GABRA2: variants seen among roughly 807,000 people sequenced by gnomAD.
GABRA2 encodes the protein gamma-aminobutyric acid receptor subunit alpha-2.
Under a neutral mutation model 48.7 loss-of-function variants are expected in GABRA2, and 16 were observed. The observed-to-expected ratio is 0.33, with a 90% confidence interval of 0.22 to 0.50. The LOEUF (loss-of-function observed/expected upper bound fraction) is 0.50, where lower values mean the gene tolerates loss of function less well. Among genes scored for constraint, GABRA2 ranks in the 20% least tolerant of loss-of-function variants. The pLI is 0.98. For missense variants in GABRA2, 275 were observed against 535.6 expected, an observed-to-expected ratio of 0.51 and a Z score of 4.80; for synonymous variants, 185 against 184.5, an observed-to-expected ratio of 1.00 and a Z score of -0.02.
At chr4:46,274,084 A>T (rs1394569641) in intron 8 of GABRA2, among the ~76,000 whole-genome samples, 1 of 152,110 alleles carries the variant, frequency 6.6e-6, no homozygotes, top group Non-Finnish European at 1.5e-5. Flanking sequence ...TCTGTAAGTT[A>T]CTGGGAGACA....
At chr4:46,250,643 GTC>G in intron 9 of GABRA2, 39 bp from the exon 10 acceptor site, 1 of 1,452,266 alleles carries the variant, frequency 6.9e-7, no homozygotes, top group Non-Finnish European at 9.4e-7. Flanking sequence ...TGTGGGTTGA[GTC>G]TGCTACTTAA....
At chr4:46,363,439 C>T (rs529833443) in intron 3 of GABRA2, among the ~76,000 whole-genome samples, 36 of 151,822 alleles carry the variant, frequency 2.4e-4, no homozygotes, top group South Asian at 6.3e-4. Flanking sequence ...AAGAAATAGC[C>T]ACATGGATTG....
chr4:46,345,513 A>G (rs952145743), intron 3 of GABRA2, among the ~76,000 whole-genome samples: 17 of 151,826 alleles, frequency 1.1e-4, no homozygotes, highest in Non-Finnish European at 1.5e-4. Context: ...TGGGAGATGG[A>G]AGAAATATAA....
At chr4:46,320,930 T>C (rs931097848) in intron 4 of GABRA2, among the ~76,000 whole-genome samples, 2 of 151,974 alleles carry the variant, frequency 1.3e-5, no homozygotes, top group African/African-American at 4.8e-5. Context: ...GGCATTCACA[T>C]GCTCATTGTA....
chr4:46,261,971 G>C lies in GABRA2; in HGVS notation c.1014C>G (p.Thr338=). The C allele has an allele frequency of 6.2e-7, 1 of 1,613,792 alleles. No individual in the cohort carries two copies. Among genetic ancestry groups the C allele is most frequent in the Non-Finnish European group, 8.5e-7 (1 of 1,179,858 alleles). The stretch of plus-strand genomic sequence containing the variant: ...TCCCATCCCAAGCCCATCCTCTTTT[G>C]GTGAAGTAATTAACAGTTGCAAATT... ...LIEFATVNYF[T]KRGWAWDGKS... Residue 338 remains threonine (T), a synonymous_variant, in exon 9 of 10, where the codon ACC becomes ACG. Transcript: ENST00000381620.
intron 3 of GABRA2, among the ~76,000 whole-genome samples, chr4:46,343,570 C>G (rs1447237520): frequency 6.6e-6 from 1 of 151,726 alleles, no homozygotes; most frequent in African/African-American, 2.4e-5. Context: ...AAAAAAAGTA[C>G]AGAAAGAGAA....
At chr4:46,286,418 A>G (rs1348573200) in intron 8 of GABRA2, among the ~76,000 whole-genome samples, 1 of 152,100 alleles carries the variant, frequency 6.6e-6, no homozygotes, top group Non-Finnish European at 1.5e-5. Context: ...ATCCATGTAC[A>G]TGTTTCTGTG....
At chr4:46,340,809 TC>T (rs1189513888) in intron 3 of GABRA2, among the ~76,000 whole-genome samples, 1 of 152,026 alleles carries the variant, frequency 6.6e-6, no homozygotes, top group Non-Finnish European at 1.5e-5. Context: ...AACCATTATT[TC>T]TTTAAATAAT....
At chr4:46,336,032 G>A (rs1161648717) in intron 3 of GABRA2, among the ~76,000 whole-genome samples, 1 of 151,646 alleles carries the variant, frequency 6.6e-6, no homozygotes, top group African/African-American at 2.4e-5. Flanking sequence ...CTTGCTTTTT[G>A]TCTTGTGTTT....
At chr4:46,390,192 C>CA (rs1718076846), upstream of GABRA2, 1 of 74,682 alleles carries the variant, frequency 1.3e-5, no homozygotes, top group African/African-American at 5.4e-5. Flanking sequence ...AGGGCCCCCC[C>CA]TCCCCCCCCT....
chr4:46,324,970 G>A (rs770218768), intron 4 of GABRA2, among the ~76,000 whole-genome samples: 12 of 151,878 alleles, frequency 7.9e-5, no homozygotes, highest in African/African-American at 2.7e-4. Context: ...GTCCACCACC[G>A]ATGGGCATCT....
chr4:46,356,992 G>T lies in GABRA2; in HGVS notation c.188-24310C>A, dbSNP rs796087480. Among the ~76,000 whole-genome samples the T allele has an allele frequency of 3.2e-3, 481 of 149,696 alleles. 7 individuals are homozygous for T. The highest frequency in any genetic ancestry group is 2.3e-3 in the Non-Finnish European group (154 of 67,442). On this transcript the variant is annotated intron_variant, in intron 3 of 9. Coordinates refer to ENST00000381620, the MANE Select transcript of GABRA2 (RefSeq NM_000807.4). Reference sequence around the variant, plus strand: ...TGTTTTCTGGGTTTGTTTTTTTTTTGTTTTGTTTTGTTTTTGTTGTTGTTG... The same window carrying T: ...TGTTTTCTGGGTTTGTTTTTTTTTTTTTTTGTTTTGTTTTTGTTGTTGTTG...
At chr4:46,388,334 A>T (rs1480857632) in intron 2 of GABRA2, among the ~76,000 whole-genome samples, 1 of 152,196 alleles carries the variant, frequency 6.6e-6, no homozygotes, top group African/African-American at 2.4e-5. Flanking sequence ...CTGGTGTTAT[A>T]TTATAAGTGC....
At chr4:46,364,650 C>G (rs1047842250) in intron 3 of GABRA2, 6 of 152,206 alleles carry the variant, frequency 3.9e-5, no homozygotes, top group African/African-American at 1.4e-4. Flanking sequence ...GTCTCATCTC[C>G]TAGAGGCTGT....
intron 4 of GABRA2, among the ~76,000 whole-genome samples, chr4:46,316,924 T>C (rs1728648542): frequency 6.6e-6 from 1 of 151,864 alleles, no homozygotes; most frequent in Non-Finnish European, 1.5e-5. Flanking sequence ...TTCAAGCTAG[T>C]GCTTGTGTAA....
intron 1 of GABRA2, chr4:46,389,497 G>T: frequency 1.4e-6 from 1 of 722,234 alleles, no homozygotes; most frequent in Non-Finnish European, 1.7e-6. Context: ...CTATAAAAGA[G>T]CCAGGCTAAC....
intron 9 of GABRA2, among the ~76,000 whole-genome samples, chr4:46,251,490 C>T (rs1463030069): frequency 2.6e-5 from 4 of 151,362 alleles, no homozygotes; most frequent in Admixed American, 6.6e-5. Context: ...TTTGGTGCCA[C>T]GCTTTTAGCC....
At chr4:46,379,950 T>C (rs1697915295) in intron 3 of GABRA2, among the ~76,000 whole-genome samples, 2 of 152,134 alleles carry the variant, frequency 1.3e-5, no homozygotes, top group Admixed American at 1.3e-4. Context: ...ACTCTCAGCA[T>C]GTTCTCTCTC....
At chr4:46,281,847 T>G (rs1403847341) in intron 8 of GABRA2, among the ~76,000 whole-genome samples, 1 of 151,806 alleles carries the variant, frequency 6.6e-6, no homozygotes, top group Non-Finnish European at 1.5e-5. Flanking sequence ...ATTAATGCCA[T>G]ATTTATCTTT....
Sources: allele counts gnomAD v4.1 joint callset (sites outside exome capture counted in the v4.1 genomes callset), GRCh38; gene constraint gnomAD v4.1.1; transcripts MANE v1.5; gene names NCBI Gene and HGNC (gene_info 2026-07-23, HGNC 2026-07-21).